The following FRAS1 variants were observed in gnomAD, a reference collection of about 807,000 sequenced individuals.
FRAS1 encodes the protein extracellular matrix organizing protein FRAS1.
In FRAS1, 290 loss-of-function variants were observed where a neutral mutation model predicts 435.2. The observed-to-expected ratio is 0.67, with a 90% confidence interval of 0.61 to 0.73. FRAS1 has a LOEUF of 0.73. Ranked by LOEUF, FRAS1 falls within the 30% of genes least tolerant of loss-of-function variation. The probability of loss-of-function intolerance (pLI) is 0.00; values close to 1 mark genes in which losing one functional copy is unlikely to be tolerated. For synonymous variants in FRAS1, 1,800 were observed against 1,851.0 expected (o/e 0.97, Z 0.71); for missense variants, 4,860 against 5,001.5 (o/e 0.97, Z 0.85).
intron 3 of FRAS1, among the ~76,000 whole-genome samples, chr4:78,241,118 G>A (rs910741629): frequency 1.6e-4 from 25 of 152,206 alleles, no homozygotes; most frequent in African/African-American, 5.5e-4. Context: ...GCTGAATAAA[G>A]GCCATCCTTT....
chr4:78,281,938 C>T (rs1016748698), intron 11 of FRAS1, among the ~76,000 whole-genome samples: 1 of 152,208 alleles, frequency 6.6e-6, no homozygotes, highest in African/African-American at 2.4e-5. Context: ...GATCTCAAGA[C>T]GGGTCCGCTT....
intron 20 of FRAS1, among the ~76,000 whole-genome samples, chr4:78,339,836 C>T (rs1730332534): frequency 6.6e-6 from 1 of 152,136 alleles, no homozygotes; most frequent in Non-Finnish European, 1.5e-5. Flanking sequence ...TGTAGCTTGA[C>T]TAAGGGTGTC....
intron 35 of FRAS1, among the ~76,000 whole-genome samples, chr4:78,427,741 T>C (rs1358811465): frequency 3.9e-5 from 6 of 152,268 alleles, no homozygotes; most frequent in Admixed American, 3.9e-4. Context: ...AATAGGGCTG[T>C]TTCTGAACAT....
chr4:78,246,581 C>T (rs1206450758), intron 4 of FRAS1, among the ~76,000 whole-genome samples: 1 of 152,126 alleles, frequency 6.6e-6, no homozygotes, highest in Non-Finnish European at 1.5e-5. Flanking sequence ...GAAGAAAATC[C>T]CTATGAACTG....
chr4:78,152,563 C>A (rs1274892576), intron 2 of FRAS1, among the ~76,000 whole-genome samples: 1 of 137,030 alleles, frequency 7.3e-6, no homozygotes, highest in Non-Finnish European at 1.6e-5. Context: ...AGAAAAGACT[C>A]TTCTTTTGCA....
intron 2 of FRAS1, among the ~76,000 whole-genome samples, chr4:78,094,511 T>C (rs200625570): frequency 6.6e-6 from 1 of 152,116 alleles, no homozygotes; most frequent in East Asian, 1.9e-4. Context: ...TCTAAAATTA[T>C]AATTTTTCTG....
rs1720037773 is a variant in FRAS1, at chr4:78,482,417, T to G, written c.8634T>G (p.Thr2878=). The G allele has an allele frequency of 1.2e-6, 2 of 1,613,826 alleles. No individual in the cohort carries two copies. The highest frequency in any genetic ancestry group is 1.3e-5 in the African/African-American group (1 of 75,004). ...GCACCTTGACTATCTTGGATGACAC[T>G]CAGTATCCGGTAATTGAAGGACTGG... is the stretch of plus-strand genomic sequence containing the variant. The part of the protein sequence containing the change: ...QYCTLTILDD[T]QYPVIEGLET... Residue 2878 remains threonine, a synonymous_variant, in exon 58 of 74, where the codon ACT becomes ACG. Transcript: ENST00000512123.
chr4:78,481,623 G>A (rs901579022), intron 56 of FRAS1, among the ~76,000 whole-genome samples, 181 bp from the exon 57 acceptor site: 16 of 152,130 alleles, frequency 1.1e-4, no homozygotes, highest in African/African-American at 3.6e-4. Flanking sequence ...GAAAAGACAG[G>A]TAGTGACACC....
Position 78,222,027 on chromosome 4 carries a change from A to G in FRAS1, c.109-15483A>G, listed in dbSNP as rs144441384. Among the ~76,000 whole-genome samples the G allele has an allele frequency of 3.9e-3, 593 of 152,242 alleles. 6 individuals carry two copies. Among genetic ancestry groups the G allele is most frequent in the African/African-American group, 0.013 (544 of 41,544 alleles). ...ACAGTGGGTGTCATTAGCCTCGTAT[A>G]AGGTCTGGAAGAATACAGGTGAGCA... On this transcript the variant is annotated intron_variant, in intron 2 of 73. Coordinates refer to ENST00000512123, the MANE Select transcript of FRAS1 (RefSeq NM_025074.7).
intron 22 of FRAS1, among the ~76,000 whole-genome samples, chr4:78,367,665 A>G (rs1210715693): frequency 1.3e-5 from 2 of 151,958 alleles, no homozygotes; most frequent in African/African-American, 4.8e-5. Context: ...AGGAACTGCT[A>G]TCTAAGCAGG....
chr4:78,274,681 A>T (rs1726902935), intron 9 of FRAS1, among the ~76,000 whole-genome samples: 1 of 152,136 alleles, frequency 6.6e-6, no homozygotes, highest in Non-Finnish European at 1.5e-5. Flanking sequence ...TCTGAGAGAC[A>T]GTTTGTTATC....
At chr4:78,447,780 T>G (rs1718898926) in intron 43 of FRAS1, among the ~76,000 whole-genome samples, 1 of 152,176 alleles carries the variant, frequency 6.6e-6, no homozygotes, top group Admixed American at 6.5e-5. Flanking sequence ...GAGATATGAT[T>G]TGTAAGTCAC....
intron 2 of FRAS1, among the ~76,000 whole-genome samples, chr4:78,088,967 G>A: frequency 6.6e-6 from 1 of 152,122 alleles, no homozygotes; most frequent in Non-Finnish European, 1.5e-5. Context: ...CTGCTATAAA[G>A]ACACATGCAC....
Position 78,249,202 on chromosome 4 carries a change from G to A in FRAS1, c.310-3190G>A, listed in dbSNP as rs186624127. ...TTTCAAAGTCAAAAGACACAAAAAT[G>A]GAGTAAACTTAGGTGACTTGTCTCC... On this transcript the variant is annotated intron_variant, in intron 4 of 73. Transcript: ENST00000512123. 7.4e-5 allele frequency among the ~76,000 whole-genome samples: 11 copies of A among 148,850 alleles called. No individual in the cohort carries two copies. The East Asian group carries it at 1.6e-3, about 21-fold the overall frequency.
At chr4:78,435,598 G>T (rs1734389537) in intron 38 of FRAS1, among the ~76,000 whole-genome samples, 1 of 152,128 alleles carries the variant, frequency 6.6e-6, no homozygotes, top group Non-Finnish European at 1.5e-5. Flanking sequence ...AATTAACCCA[G>T]CATGGTGGTG....
intron 47 of FRAS1, among the ~76,000 whole-genome samples, chr4:78,463,766 A>G (rs932548453): frequency 2.6e-5 from 4 of 152,226 alleles, no homozygotes; most frequent in African/African-American, 9.6e-5. Flanking sequence ...AAAGAAGAGT[A>G]ACATTGATTG....
In FRAS1 at chr4:78,284,545, T is replaced by G. The variant is rs12504081; in HGVS notation, c.1396T>G (p.Leu466Val). ...LGFYQAGSLC[L>V]ACQPQCSTCT... ...TTTTTACCAAGCTGGCAGTCTCTGT[T>G]TAGGTATGGCTCCAAGTGGACAACC... Residue 466 changes from leucine (L) to valine (V), a missense_variant, in exon 13 of 74, where the codon TTA becomes GTA. Transcript: ENST00000512123. 1.2e-6 allele frequency: 2 copies of G among 1,609,940 alleles called. No individual in the cohort carries two copies. The highest frequency in any genetic ancestry group is 1.7e-6 in the Non-Finnish European group (2 of 1,178,196).
Position 78,455,422 on chromosome 4 carries a change from G to C in FRAS1, c.6763+3068G>C, listed in dbSNP as rs574161727. On this transcript the variant is annotated intron_variant, in intron 47 of 73. Transcript: ENST00000512123. ...TTTACCAGAAGTTGGAGTTGAGGAGGGAGGGGGTTCTGTTATTTCCAAGAA... is the reference window on the plus strand; with the variant it reads ...TTTACCAGAAGTTGGAGTTGAGGAGCGAGGGGGTTCTGTTATTTCCAAGAA... Among the ~76,000 whole-genome samples the C allele has an allele frequency of 9.6e-3, 1,458 of 151,804 alleles. 23 individuals carry two copies. Among genetic ancestry groups the C allele is most frequent in the African/African-American group, 0.034 (1,395 of 41,412 alleles).
At chr4:78,460,340 T>C (rs879457430) in intron 47 of FRAS1, among the ~76,000 whole-genome samples, 1 of 152,202 alleles carries the variant, frequency 6.6e-6, no homozygotes, top group Non-Finnish European at 1.5e-5. Flanking sequence ...AGATACATAG[T>C]TTAGCCAGCA....
Sources: gnomAD v4.1 joint callset for allele counts (sites outside exome capture counted in the v4.1 genomes callset) on GRCh38, gnomAD v4.1.1 for gene constraint, MANE v1.5 for transcripts, NCBI Gene and HGNC (gene_info 2026-07-23, HGNC 2026-07-21) for gene names.